The following MRAS variants were observed in gnomAD, a reference collection of about 807,000 sequenced individuals.
MRAS encodes the protein ras-related protein M-Ras.
Under a neutral mutation model 20.9 loss-of-function variants are expected in MRAS, and 4 were observed. The ratio of observed to expected loss-of-function variants is 0.19; its 90% CI spans 0.09 to 0.44. The LOEUF (loss-of-function observed/expected upper bound fraction) is 0.44. MRAS is among the 20% of genes least tolerant of loss of function. MRAS has a pLI of 0.99. For synonymous variants in MRAS, 98 were observed against 102.9 expected, an observed-to-expected ratio of 0.95 and a Z score of 0.29; for missense variants, 154 against 277.5, an observed-to-expected ratio of 0.56 and a Z score of 3.16.
intron 1 of MRAS, among the ~76,000 whole-genome samples, chr3:138,361,704 G>T (rs2054451101): frequency 1.3e-5 from 2 of 152,170 alleles, no homozygotes; most frequent in Admixed American, 1.3e-4. Flanking sequence ...CAGCCTGCCA[G>T]GCTCTGGGGA....
intron 2 of MRAS, among the ~76,000 whole-genome samples, chr3:138,390,776 A>T (rs2055116747): frequency 6.6e-6 from 1 of 152,162 alleles, no homozygotes; most frequent in Non-Finnish European, 1.5e-5. Context: ...AGACCAATGG[A>T]TGGGTTCATA....
intron 2 of MRAS, 41 bp from the exon 3 acceptor site, chr3:138,397,283 G>A (rs774019575): frequency 6.8e-6 from 11 of 1,606,582 alleles, no homozygotes; most frequent in Non-Finnish European, 9.4e-6. Flanking sequence ...GGGCTACAGG[G>A]TAGGTGAGGA....
chr3:138,374,409 A>G (rs1257134921), intron 2 of MRAS, among the ~76,000 whole-genome samples: 2 of 152,296 alleles, frequency 1.3e-5, no homozygotes, highest in East Asian at 1.9e-4. Context: ...TAAAAACAAT[A>G]GGTTTCTGTA....
intron 2 of MRAS, among the ~76,000 whole-genome samples, chr3:138,393,505 C>CA (rs2055171880): frequency 6.6e-6 from 1 of 152,146 alleles, no homozygotes; most frequent in Non-Finnish European, 1.5e-5. Flanking sequence ...CTAAGACCTT[C>CA]AATGTCTGAG....
At chr3:138,381,175 T>G (rs2054895574) in intron 2 of MRAS, among the ~76,000 whole-genome samples, 2 of 152,270 alleles carry the variant, frequency 1.3e-5, no homozygotes, top group Non-Finnish European at 2.9e-5. Flanking sequence ...TCCACCTTTT[T>G]GCTGTTATGA....
chr3:138,373,876 C>CATTTATTTATTTATTT (rs137976100), intron 2 of MRAS, among the ~76,000 whole-genome samples: 1,879 of 144,358 alleles, frequency 0.013, 10 homozygotes, highest in Non-Finnish European at 0.018. Flanking sequence ...TATCTCTTTC[C>CATTTATTTATTTATTT]ATTTATTTAT....
At chr3:138,372,072 G>C (rs546396795) in intron 1 of MRAS, among the ~76,000 whole-genome samples, 6 of 152,156 alleles carry the variant, frequency 3.9e-5, no homozygotes, top group African/African-American at 1.4e-4. Flanking sequence ...TTCTTCACTG[G>C]GGGGGACTGC....
chr3:138,352,290 A>G (rs1322269519), intron 1 of MRAS, among the ~76,000 whole-genome samples: 1 of 152,202 alleles, frequency 6.6e-6, no homozygotes, highest in Non-Finnish European at 1.5e-5. Context: ...GGTTCCACCT[A>G]TTCCCAGAGA....
chr3:138,380,393 A>C (rs535653698), intron 2 of MRAS, among the ~76,000 whole-genome samples: 13 of 150,956 alleles, frequency 8.6e-5, no homozygotes, highest in Non-Finnish European at 1.5e-4. Flanking sequence ...GTTCACTGCA[A>C]CCTCCGCTTT....
At chr3:138,372,591 A>C (rs1029583579) in intron 1 of MRAS, among the ~76,000 whole-genome samples, 1 of 152,202 alleles carries the variant, frequency 6.6e-6, no homozygotes, top group Non-Finnish European at 1.5e-5. Flanking sequence ...GCTTTTGGCT[A>C]TACTTGCTAA....
intron 1 of MRAS, among the ~76,000 whole-genome samples, chr3:138,371,639 C>A (rs1266838915): frequency 6.6e-6 from 1 of 152,142 alleles, no homozygotes; most frequent in African/African-American, 2.4e-5. Flanking sequence ...TTAAGCTTTC[C>A]CTCCCTCGAT....
At chr3:138,368,719 C>T (rs966661442) in intron 1 of MRAS, among the ~76,000 whole-genome samples, 2 of 151,814 alleles carry the variant, frequency 1.3e-5, no homozygotes, top group Non-Finnish European at 1.5e-5. Context: ...GCAGTTTGCT[C>T]CTTACCCACC....
intron 2 of MRAS, among the ~76,000 whole-genome samples, chr3:138,383,110 G>A (rs1362383646): frequency 6.6e-6 from 1 of 152,148 alleles, no homozygotes; most frequent in East Asian, 1.9e-4. Context: ...TGTTGCAAAG[G>A]ATAAATGAAA....
rs550952258 is a variant in MRAS, at chr3:138,372,795, G to A, written c.-18-71G>A. ...TTGAGAGTATTACTTTATAAAGGAGGAAAACATATGAATATTTTCCCCTAA... is the reference window on the plus strand; with the variant it reads ...TTGAGAGTATTACTTTATAAAGGAGAAAAACATATGAATATTTTCCCCTAA... On this transcript the variant is annotated intron_variant, in intron 1 of 5. Coordinates refer to ENST00000423968, the MANE Select transcript of MRAS (RefSeq NM_001085049.3). 4.2e-5 allele frequency: 48 copies of A among 1,142,810 alleles called. No homozygotes were observed. The East Asian group carries it at 8.4e-4, about 20-fold the overall frequency. The allele number at this position is 1,142,810 out of a possible 1,614,324, so 70.8% of individuals were successfully genotyped here. A position where few individuals can be genotyped will look rare whatever the true frequency, so the allele number is the denominator to read the frequency against.
chr3:138,369,461 G>T (rs929965943), intron 1 of MRAS, among the ~76,000 whole-genome samples: 2 of 152,094 alleles, frequency 1.3e-5, no homozygotes, highest in African/African-American at 4.8e-5. Context: ...AACCTGGTTG[G>T]GGGTGACAGT....
chr3:138,393,087 A>AGC (rs1362218180), intron 2 of MRAS, among the ~76,000 whole-genome samples: 5 of 152,238 alleles, frequency 3.3e-5, no homozygotes, highest in African/African-American at 1.2e-4. Flanking sequence ...CAGGATCATT[A>AGC]GCCTCTTGAC....
intron 1 of MRAS, chr3:138,350,277 C>T (rs2054200252): frequency 6.6e-6 from 1 of 152,202 alleles, no homozygotes; most frequent in African/African-American, 2.4e-5. Flanking sequence ...TCACATGTCC[C>T]TGCTGAGTGG....
chr3:138,391,862 A>C (rs1474323626), intron 2 of MRAS, among the ~76,000 whole-genome samples: 1 of 152,202 alleles, frequency 6.6e-6, no homozygotes, highest in East Asian at 1.9e-4. Context: ...GTTCATGGCC[A>C]GGCGCGGTGG....
chr3:138,367,274 A>G (rs924699954), intron 1 of MRAS, among the ~76,000 whole-genome samples: 1 of 152,116 alleles, frequency 6.6e-6, no homozygotes, highest in Non-Finnish European at 1.5e-5. Context: ...GAGGCCTTAC[A>G]CCTTCCTGGG....
Sources: gnomAD v4.1 joint callset for allele counts (sites outside exome capture counted in the v4.1 genomes callset) on GRCh38, gnomAD v4.1.1 for gene constraint, MANE v1.5 for transcripts, NCBI Gene and HGNC (gene_info 2026-07-23, HGNC 2026-07-21) for gene names.